PCSK6: variants seen among roughly 807,000 people sequenced by gnomAD.
PCSK6 encodes the protein paired basic amino acid cleaving enzyme 4.
Under a neutral mutation model 123.3 loss-of-function variants are expected in PCSK6, and 85 were observed. The ratio of observed to expected loss-of-function variants is 0.69; its 90% CI spans 0.58 to 0.83. The LOEUF (loss-of-function observed/expected upper bound fraction) is 0.83. Among genes scored for constraint, PCSK6 ranks in the 40% least tolerant of loss-of-function variants. The pLI is 0.00. For missense variants in PCSK6, 1,191 were observed against 1,282.3 expected, an observed-to-expected ratio of 0.93 and a Z score of 1.09; for synonymous variants, 508 against 516.0, an observed-to-expected ratio of 0.98 and a Z score of 0.21.
chr15:101,377,791 T>C (rs2041794464), intron 11 of PCSK6, among the ~76,000 whole-genome samples: 1 of 152,226 alleles, frequency 6.6e-6, no homozygotes. Flanking sequence ...AAGCAACACA[T>C]TGGCTTTTGG....
At chr15:101,412,107 C>T (rs552918046) in intron 6 of PCSK6, among the ~76,000 whole-genome samples, 3 of 152,128 alleles carry the variant, frequency 2.0e-5, no homozygotes, top group African/African-American at 4.8e-5. Context: ...TGGGTATCAG[C>T]GGAGGCTGAA....
intron 13 of PCSK6, among the ~76,000 whole-genome samples, chr15:101,337,886 T>C (rs575735667): frequency 2.0e-5 from 3 of 152,230 alleles, no homozygotes; most frequent in African/African-American, 7.2e-5. Context: ...CAACCTCTTA[T>C]GATAGGTTAT....
intron 20 of PCSK6, 182 bp from the exon 21 acceptor site, chr15:101,307,507 C>T (rs568629368): frequency 6.5e-5 from 37 of 570,588 alleles, no homozygotes; most frequent in African/African-American, 6.4e-4. Context: ...TGTCTTTTCT[C>T]CTGTCTGACC....
chr15:101,467,104 T>A (rs2057480281), intron 1 of PCSK6, among the ~76,000 whole-genome samples: 2 of 151,828 alleles, frequency 1.3e-5, no homozygotes, highest in Admixed American at 6.6e-5. Flanking sequence ...CCCATACAGG[T>A]AAAAAAAATT....
At chr15:101,307,813 G>T in intron 20 of PCSK6, 1 of 160,980 alleles carries the variant, frequency 6.2e-6, no homozygotes, top group Non-Finnish European at 1.4e-5. Flanking sequence ...GGCCATGCCT[G>T]CTTACCCTCG....
intron 13 of PCSK6, among the ~76,000 whole-genome samples, chr15:101,341,738 G>C (rs1456089873): frequency 6.6e-6 from 1 of 152,166 alleles, no homozygotes; most frequent in African/African-American, 2.4e-5. Flanking sequence ...ATGTGTTTCA[G>C]GCTAAGGGAA....
intron 2 of PCSK6, among the ~76,000 whole-genome samples, chr15:101,439,035 G>A (rs906407077): frequency 1.3e-5 from 2 of 152,234 alleles, no homozygotes; most frequent in African/African-American, 4.8e-5. Flanking sequence ...AGGAGCATGG[G>A]AGGTGACTGG....
chr15:101,366,167 C>T (rs758481406), intron 13 of PCSK6, 29 bp downstream of exon 13: 54 of 1,596,490 alleles, frequency 3.4e-5, no homozygotes, highest in Non-Finnish European at 4.6e-5. Context: ...GATACAAAAG[C>T]TGTCATGAGA....
At chr15:101,379,703 A>G (rs1408037248) in intron 11 of PCSK6, among the ~76,000 whole-genome samples, 1 of 152,186 alleles carries the variant, frequency 6.6e-6, no homozygotes, top group African/African-American at 2.4e-5. Context: ...CAGTTAGAAG[A>G]AGACGGGAAA....
At chr15:101,335,148 T>C (rs1339251568) in intron 13 of PCSK6, among the ~76,000 whole-genome samples, 1 of 152,124 alleles carries the variant, frequency 6.6e-6, no homozygotes, top group African/African-American at 2.4e-5. Flanking sequence ...TTGGTAGAGA[T>C]AGAGTTTCAC....
At chr15:101,473,762 T>C (rs2057660606) in intron 1 of PCSK6, among the ~76,000 whole-genome samples, 1 of 152,190 alleles carries the variant, frequency 6.6e-6, no homozygotes. Flanking sequence ...CCTGTAATCC[T>C]AGCTAATAGA....
intron 6 of PCSK6, among the ~76,000 whole-genome samples, chr15:101,418,727 G>A (rs1028032518): frequency 6.6e-6 from 1 of 152,050 alleles, no homozygotes; most frequent in Non-Finnish European, 1.5e-5. Flanking sequence ...TGGCCAGGCC[G>A]GTCTCGAGCT....
intron 8 of PCSK6, among the ~76,000 whole-genome samples, 159 bp downstream of exon 8, chr15:101,393,053 C>A (rs4965844): frequency 1.9e-3 from 292 of 152,264 alleles, no homozygotes; most frequent in African/African-American, 6.7e-3. Context: ...GGGTTTACCT[C>A]CAGGCTCAAA....
chr15:101,479,485 T>A (rs1010314978), intron 1 of PCSK6, among the ~76,000 whole-genome samples: 1 of 151,660 alleles, frequency 6.6e-6, no homozygotes, highest in East Asian at 1.9e-4. Flanking sequence ...TCACCACCAG[T>A]GAGAGTATGA....
chr15:101,378,275 A>G (rs1400027194), intron 11 of PCSK6, among the ~76,000 whole-genome samples: 1 of 152,250 alleles, frequency 6.6e-6, no homozygotes. Context: ...CAAAGGTTCT[A>G]AACAGATGGA....
At chr15:101,331,598 G>C in intron 15 of PCSK6, 53 bp downstream of exon 15, 1 of 1,555,276 alleles carries the variant, frequency 6.4e-7, no homozygotes, top group Non-Finnish European at 8.8e-7. Context: ...TATAGACCCT[G>C]CTCTCCCAGC....
At chr15:101,469,422 C>A (rs546518007) in intron 1 of PCSK6, among the ~76,000 whole-genome samples, 6 of 152,228 alleles carry the variant, frequency 3.9e-5, no homozygotes, top group Non-Finnish European at 8.8e-5. Flanking sequence ...CCTTCATAAG[C>A]TTCTACGCTG....
chr15:101,432,645 G>C (rs1288310262), intron 2 of PCSK6, among the ~76,000 whole-genome samples: 3 of 150,652 alleles, frequency 2.0e-5, no homozygotes, highest in Admixed American at 1.3e-4. Flanking sequence ...AAAAAAGACA[G>C]AGAGAGAGAG....
intron 18 of PCSK6, among the ~76,000 whole-genome samples, chr15:101,321,863 C>A (rs2040130737): frequency 6.6e-6 from 1 of 152,182 alleles, no homozygotes; most frequent in African/African-American, 2.4e-5. Context: ...GAGTGTCCCC[C>A]AAAAAATTTT....
Sources: gnomAD v4.1 joint callset for allele counts (sites outside exome capture counted in the v4.1 genomes callset) on GRCh38, gnomAD v4.1.1 for gene constraint, MANE v1.5 for transcripts, NCBI Gene and HGNC (gene_info 2026-07-23, HGNC 2026-07-21) for gene names.